Variants in CCNB3 observed in about 807,000 individuals in gnomAD.
CCNB3 encodes the protein cyclin B3.
Under a neutral mutation model 68.0 loss-of-function variants are expected in CCNB3, and 12 were observed. That is an observed-to-expected ratio of 0.18 (90% CI 0.11 to 0.29). The LOEUF (loss-of-function observed/expected upper bound fraction) is 0.29. Among genes scored for constraint, CCNB3 ranks in the 10% least tolerant of loss-of-function variants. CCNB3 has a pLI of 1.00. For missense variants in CCNB3, 904 were observed against 993.1 expected (o/e 0.91, Z 1.21); for synonymous variants, 354 against 388.9 (o/e 0.91, Z 1.06).
At chrX:50,203,340 A>G (rs1266624049), upstream of CCNB3, among the ~76,000 whole-genome samples, 1 of 112,687 alleles carries the variant, frequency 8.9e-6, no homozygotes, top group African/African-American at 3.2e-5. Context: ...ATCAGCCTTC[A>G]TGAAATCACT....
At chrX:50,330,715 A>G (rs1029437195) in intron 8 of CCNB3, among the ~76,000 whole-genome samples, 2 of 112,158 alleles carry the variant, frequency 1.8e-5, no homozygotes, top group South Asian at 7.5e-4. Flanking sequence ...TTTTCCAAAC[A>G]TGGCCCCAAG....
At chrX:50,279,394 A>C (rs1328116979) in intron 1 of CCNB3, among the ~76,000 whole-genome samples, 1 of 78,204 alleles carries the variant, frequency 1.3e-5, no homozygotes, top group Non-Finnish European at 2.3e-5. Context: ...AATATTTTGT[A>C]TATTCATATA....
Position 50,218,995 on chromosome X carries a change from G to A in CCNB3, c.-113+14045G>A, listed in dbSNP as rs889348525. 2.2e-4 allele frequency among the ~76,000 whole-genome samples: 24 copies of A among 111,384 alleles called. No homozygotes were observed. In the East Asian group the frequency reaches 4.2e-3, roughly 20 times the overall value. On this transcript the variant is annotated intron_variant, in intron 1 of 12. Transcript: ENST00000376042. ...CTGGCATGAGATGGTATCTCATTGCGGTTTTGATTTGTATTTCTCTGGTGA... is the reference window on the plus strand; with the variant it reads ...CTGGCATGAGATGGTATCTCATTGCAGTTTTGATTTGTATTTCTCTGGTGA...
intron 8 of CCNB3, among the ~76,000 whole-genome samples, chrX:50,328,442 G>C (rs1358053105): frequency 1.3e-4 from 14 of 111,410 alleles, no homozygotes; most frequent in African/African-American, 4.2e-4. Context: ...AGGAACAAGT[G>C]GGGGAAGTGC....
At chrX:50,208,358 A>G (rs1935410288) in intron 1 of CCNB3, among the ~76,000 whole-genome samples, 1 of 112,427 alleles carries the variant, frequency 8.9e-6, no homozygotes, top group African/African-American at 3.2e-5. Context: ...CTGATATGTT[A>G]ACCCTGAACC....
At chrX:50,306,647 A>G (rs1921091866) in intron 5 of CCNB3, among the ~76,000 whole-genome samples, 1 of 111,551 alleles carries the variant, frequency 9.0e-6, no homozygotes, top group African/African-American at 3.3e-5. Flanking sequence ...CCTCCTTTCT[A>G]TTCCTTGTTT....
chrX:50,311,022 A>G lies in CCNB3; in HGVS notation c.2853A>G (p.Leu951=). Residue 951 remains leucine (L), a synonymous_variant, in exon 6 of 13, where the codon TTA becomes TTG. Transcript: ENST00000376042. ...KELSFKEPLA[L]QESPTYKEDT... is the part of the protein sequence containing the mutation. The stretch of plus-strand genomic sequence containing the variant: ...TGTCCTTCAAGGAGCCATTAGCCTT[A>G]CAAGAGAGTCCCACCTACAAGGAAG... 2 of 1,210,569 alleles carry G rather than the reference A, an allele frequency of 1.7e-6. No individual in the cohort carries two copies. The highest frequency in any genetic ancestry group is 2.2e-6 in the Non-Finnish European group (2 of 895,206).
Position 50,319,869 on chromosome X carries a change from AT to A in CCNB3, c.3516+5930del, listed in dbSNP as rs201734591. Among the ~76,000 whole-genome samples the A allele has an allele frequency of 6.3e-4, 70 of 110,342 alleles. 1 individual carries two copies. In the East Asian group the frequency reaches 0.014, roughly 21 times the overall value. On this transcript the variant is annotated intron_variant, in intron 8 of 12. Transcript: ENST00000376042. Reference sequence around the variant, plus strand: ...AAATGCTTTTTTCCTGCATCTATTGATTTTTTTTTGTTTTAGCCTAATATAG... The same window carrying A: ...AAATGCTTTTTTCCTGCATCTATTGATTTTTTTTGTTTTAGCCTAATATAG...
chrX:50,216,210 C>T (rs1253807315), intron 1 of CCNB3, among the ~76,000 whole-genome samples: 37 of 108,983 alleles, frequency 3.4e-4, no homozygotes, highest in Non-Finnish European at 4.4e-4. Context: ...GCCTCAGCCT[C>T]CTAAAGTGCT....
At chrX:50,211,730 T>A (rs1935486413) in intron 1 of CCNB3, among the ~76,000 whole-genome samples, 2 of 111,516 alleles carry the variant, frequency 1.8e-5, no homozygotes, top group Non-Finnish European at 3.8e-5. Context: ...AGATCGCAGC[T>A]GTTGGAAAAC....
intron 1 of CCNB3, among the ~76,000 whole-genome samples, chrX:50,211,966 G>A (rs1470977114): frequency 1.8e-5 from 2 of 112,020 alleles, no homozygotes. Flanking sequence ...ACCTAGCAGT[G>A]GCTCATGTGT....
At chrX:50,290,671 C>T (rs1253996717) in intron 4 of CCNB3, among the ~76,000 whole-genome samples, 1 of 111,442 alleles carries the variant, frequency 9.0e-6, no homozygotes, top group African/African-American at 3.3e-5. Context: ...AATGGGAAAT[C>T]CATGCAGGTA....
intron 5 of CCNB3, among the ~76,000 whole-genome samples, chrX:50,298,364 G>A (rs1936529520): frequency 9.0e-6 from 1 of 111,342 alleles, no homozygotes; most frequent in South Asian, 3.8e-4. Flanking sequence ...TTTGTCAAAG[G>A]CCTTTTCTGC....
At chrX:50,328,520 G>A (rs1557217616) in intron 8 of CCNB3, among the ~76,000 whole-genome samples, 1 of 111,419 alleles carries the variant, frequency 9.0e-6, no homozygotes, top group Non-Finnish European at 1.9e-5. Flanking sequence ...AGCCATGAGG[G>A]ATCTGTCCTC....
intron 8 of CCNB3, among the ~76,000 whole-genome samples, chrX:50,327,521 T>C (rs782127431): frequency 8.9e-6 from 1 of 112,502 alleles, no homozygotes; most frequent in Non-Finnish European, 1.9e-5. Flanking sequence ...CCAACACGCA[T>C]GAATGCATGC....
intron 5 of CCNB3, among the ~76,000 whole-genome samples, chrX:50,301,143 C>T (rs782745583): frequency 2.0e-4 from 22 of 111,672 alleles, no homozygotes; most frequent in Non-Finnish European, 2.4e-4. Flanking sequence ...TCGTCAAAGT[C>T]ATTCTCCATC....
upstream of CCNB3, among the ~76,000 whole-genome samples, chrX:50,204,337 A>G (rs782544037): frequency 9.0e-6 from 1 of 111,013 alleles, no homozygotes; most frequent in Non-Finnish European, 1.9e-5. Flanking sequence ...TGGAGTGGGG[A>G]CTGAGAATTT....
chrX:50,217,174 G>T, intron 1 of CCNB3, among the ~76,000 whole-genome samples: 1 of 99,405 alleles, frequency 1.0e-5, no homozygotes, highest in African/African-American at 3.7e-5. Flanking sequence ...TTTTTAATTT[G>T]TAAATTTTCT....
chrX:50,320,230 T>A (rs1921946720), intron 8 of CCNB3, among the ~76,000 whole-genome samples: 2 of 111,652 alleles, frequency 1.8e-5, no homozygotes, highest in Non-Finnish European at 3.8e-5. Context: ...TGGTAGAATT[T>A]GCAAGCGAAA....
Sources: gnomAD v4.1 joint callset for allele counts (sites outside exome capture counted in the v4.1 genomes callset) on GRCh38, gnomAD v4.1.1 for gene constraint, MANE v1.5 for transcripts, NCBI Gene and HGNC (gene_info 2026-07-23, HGNC 2026-07-21) for gene names.